Variants in GALK1 observed in about 807,000 individuals in gnomAD.
GALK1 encodes the protein galactokinase 1, also known as galactokinase.
In GALK1, 30 loss-of-function variants were observed where a neutral mutation model predicts 38.6. The ratio of observed to expected loss-of-function variants is 0.78; its 90% CI spans 0.58 to 1.05. The LOEUF is 1.05. GALK1 is among the 50% of genes least tolerant of loss of function. The pLI, the probability that GALK1 is intolerant of heterozygous loss-of-function variation, is 0.00. For synonymous variants in GALK1, 240 were observed against 233.6 expected (o/e 1.03, Z -0.25); for missense variants, 512 against 540.5 (o/e 0.95, Z 0.52).
At chr17:75,753,684 A>G, downstream of GALK1, 1 of 959,614 alleles carries the variant, frequency 1.0e-6, no homozygotes, top group Non-Finnish European at 1.4e-6. Flanking sequence ...CCCCTCGCAG[A>G]GCCTACGGCC....
At chr17:75,764,628 C>T in intron 1 of GALK1, 1 of 471,944 alleles carries the variant, frequency 2.1e-6, no homozygotes, top group Non-Finnish European at 4.0e-6. Flanking sequence ...TGGGGCCCCA[C>T]GGTGGCCGGA....
downstream of GALK1, chr17:75,757,540 G>GTTC (rs755394820): frequency 4.3e-6 from 7 of 1,613,278 alleles, no homozygotes; most frequent in Admixed American, 8.3e-5. Context: ...TGGACCAACA[G>GTTC]TTCTTCCAAA....
In GALK1 at chr17:75,763,390, C is replaced by A; in HGVS notation, c.405G>T (p.Leu135=). 1 of 1,612,992 alleles carries A rather than the reference C, an allele frequency of 6.2e-7. No homozygotes were observed. The highest frequency in any genetic ancestry group is 8.5e-7 in the Non-Finnish European group (1 of 1,179,660). Residue 135 remains leucine (L), a synonymous_variant, in exon 3 of 8, where the codon CTG becomes CTT. Coordinates refer to ENST00000588479, the MANE Select transcript of GALK1 (RefSeq NM_000154.2). ...FSAVVVSSVP[L]GGGLSSSASL... is the part of the protein sequence containing the mutation. The stretch of plus-strand genomic sequence containing the variant: ...ATGCTGAGCTGGACAGGCCACCCCC[C>A]AGGGGCACTGAGCTGACCACCACTG...
downstream of GALK1, chr17:75,757,653 C>T (rs779538618): frequency 5.9e-6 from 9 of 1,524,166 alleles, no homozygotes; most frequent in Admixed American, 1.7e-5. Context: ...CCCTGGGGGC[C>T]CAGCCCACCC....
At chr17:75,758,799 T>TG (rs2061570757) in intron 5 of GALK1, among the ~76,000 whole-genome samples, 200 bp from the exon 6 acceptor site, 2 of 152,090 alleles carry the variant, frequency 1.3e-5, no homozygotes, top group Non-Finnish European at 2.9e-5. Context: ...GACTGTAAAA[T>TG]GGGACACCTT....
In GALK1 at chr17:75,758,277, C is replaced by G; in HGVS notation, c.1040G>C (p.Gly347Ala). 2 of 1,593,294 alleles carry G rather than the reference C, an allele frequency of 1.3e-6. No homozygotes were observed. Residue 347 changes from glycine to alanine, a missense_variant, in exon 7 of 8, where the codon GGC becomes GCC. Physicochemically the swap from Gly to Ala is moderately conservative, Grantham distance 60. Transcript: ENST00000588479. ...CAGTGTCACCGTGCAGCCACCGAAG[C>G]CACCGCCCGTCATGCGGCTGCCATA... is the stretch of plus-strand genomic sequence containing the variant. ...GVYGSRMTGGGFGGCTVTLLE... is the reference protein window; with the variant it reads ...GVYGSRMTGGAFGGCTVTLLE...
At chr17:75,756,366 G>C, downstream of GALK1, 4 of 1,582,120 alleles carry the variant, frequency 2.5e-6, no homozygotes, top group Non-Finnish European at 3.5e-6. Flanking sequence ...TAGGGACGAG[G>C]AGGATCAGGC....
At chr17:75,754,964 A>T, downstream of GALK1, 1 of 1,524,046 alleles carries the variant, frequency 6.6e-7, no homozygotes, top group African/African-American at 1.4e-5. Context: ...GTGCACACGC[A>T]TGCACACATG....
chr17:75,756,236 T>C (rs2061497852), downstream of GALK1, among the ~76,000 whole-genome samples: 1 of 152,168 alleles, frequency 6.6e-6, no homozygotes, highest in Admixed American at 6.5e-5. Context: ...TGAGTGGGAT[T>C]ACAGGCTCCA....
At chr17:75,756,577 A>G (rs369462022), downstream of GALK1, 432 of 1,612,584 alleles carry the variant, frequency 2.7e-4, no homozygotes, top group Non-Finnish European at 3.4e-4. Flanking sequence ...TCACCATTGA[A>G]TCCCAGGTGC....
chr17:75,763,598 C>T (rs780076078), intron 2 of GALK1, 159 bp from the exon 3 acceptor site: 428 of 808,620 alleles, frequency 5.3e-4, no homozygotes, highest in Non-Finnish European at 7.9e-4. Context: ...GCCAAGGGAC[C>T]CACTGCCCTC....
downstream of GALK1, chr17:75,757,071 C>T (rs759302516): frequency 3.7e-6 from 6 of 1,612,958 alleles, no homozygotes; most frequent in East Asian, 2.2e-5. Flanking sequence ...CGGGCCAGAG[C>T]GCGAGGGCAT....
At chr17:75,757,467 G>A (rs375778262), downstream of GALK1, 134 of 1,611,576 alleles carry the variant, frequency 8.3e-5, no homozygotes, top group East Asian at 9.8e-4. Flanking sequence ...TCCCTCACCC[G>A]GCATGTGACC....
At chr17:75,761,229 AAGAT>A (rs963193825) in intron 5 of GALK1, among the ~76,000 whole-genome samples, 1 of 151,942 alleles carries the variant, frequency 6.6e-6, no homozygotes, top group Non-Finnish European at 1.5e-5. Flanking sequence ...AATAATAAAA[AAGAT>A]AAATAAAAAA....
chr17:75,757,118 G>A (rs973489932), downstream of GALK1: 9 of 1,612,762 alleles, frequency 5.6e-6, no homozygotes, highest in Middle Eastern at 4.9e-4. Flanking sequence ...GTAGGCACCT[G>A]TCCTTTCCTT....
chr17:75,758,446 C>T lies in GALK1; in HGVS notation c.944+3G>A. 1 of 1,575,062 alleles carries T rather than the reference C, an allele frequency of 6.3e-7. No homozygotes were observed. The highest frequency in any genetic ancestry group is 8.6e-7 in the Non-Finnish European group (1 of 1,161,300). ...CAGGAGCGGGGCGCCCAGAGGGCCT[C>T]ACCTGAGTGAGCGGTGGCTCTCCAC... On this transcript the variant is annotated splice_donor_region_variant and intron_variant, in intron 6 of 7. Transcript: ENST00000588479.
intron 8 of GALK1, chr17:75,752,099 T>C (rs933890386): frequency 1.7e-5 from 26 of 1,501,352 alleles, no homozygotes; most frequent in Non-Finnish European, 2.4e-5. Context: ...TGCACGGCCG[T>C]CCTGCTGTGT....
Position 75,762,811 on chromosome 17 carries a change from T to C in GALK1, c.686A>G (p.His229Arg). The change falls in exon 5 of 8, where the codon CAC becomes CGC. Residue 229 changes from histidine (H) to arginine (R), a missense_variant. Transcript: ENST00000588479. ...AVLITNSNVRHSLASSEYPVR... is the reference protein window; with the variant it reads ...AVLITNSNVRRSLASSEYPVR... ...AGGGTACTCGCTGGAGGCCAGGGAGTGGCGGACATTAGAGTTGGTGATGAG... is the reference window on the plus strand; with the variant it reads ...AGGGTACTCGCTGGAGGCCAGGGAGCGGCGGACATTAGAGTTGGTGATGAG... The C allele has an allele frequency of 6.2e-7, 1 of 1,613,538 alleles. No individual in the cohort carries two copies. The highest frequency in any genetic ancestry group is 1.1e-5 in the South Asian group (1 of 91,070).
chr17:75,764,493 C>G (rs763516983), intron 1 of GALK1: 2 of 517,638 alleles, frequency 3.9e-6, no homozygotes, highest in Non-Finnish European at 7.5e-6. Flanking sequence ...ACTCCCAAGT[C>G]GCAGCCCCGC....
Sources: allele counts gnomAD v4.1 joint callset (sites outside exome capture counted in the v4.1 genomes callset), GRCh38; gene constraint gnomAD v4.1.1; transcripts MANE v1.5; gene names NCBI Gene and HGNC (gene_info 2026-07-23, HGNC 2026-07-21).